SGCZ: variants seen among roughly 807,000 people sequenced by gnomAD.
SGCZ encodes sarcoglycan zeta.
A neutral mutation model predicts 41.3 loss-of-function variants in SGCZ; 40 were observed. The observed-to-expected ratio is 0.97, with a 90% CI of 0.75 to 1.26. The LOEUF is 1.26. SGCZ is among the 50% of genes most tolerant of loss of function. SGCZ has a pLI of 0.00. For synonymous variants in SGCZ, 206 were observed against 137.5 expected, an observed-to-expected ratio of 1.50 and a Z score of -3.49; for missense variants, 552 against 369.8, an observed-to-expected ratio of 1.49 and a Z score of -4.04.
chr8:14,551,563 ATATATAAT>A lies in SGCZ; in HGVS notation c.234+3161_234+3168del, dbSNP rs1259919837. Among the ~76,000 whole-genome samples the A allele has an allele frequency of 6.2e-3, 130 of 21,124 alleles. 2 individuals are homozygous for A. The highest frequency in any genetic ancestry group is 0.022 in the East Asian group (9 of 400). 13.9% of individuals were successfully genotyped at this position (21,124 alleles called of 152,430 possible). ...ATATAATATATATAATATATATTAT[ATATATAAT>A]ATATATATAATATATATAATATATA... is the stretch of plus-strand genomic sequence containing the variant. On this transcript the variant is annotated intron_variant, in intron 2 of 7. Transcript: ENST00000382080.
At chr8:14,257,275 G>C (rs893377657) in intron 3 of SGCZ, among the ~76,000 whole-genome samples, 2 of 151,676 alleles carry the variant, frequency 1.3e-5, no homozygotes, top group Non-Finnish European at 2.9e-5. Flanking sequence ...AGGCTGCAGT[G>C]AACCGTGATT....
intron 1 of SGCZ, among the ~76,000 whole-genome samples, chr8:14,721,114 T>C (rs1177061863): frequency 2.0e-5 from 3 of 152,296 alleles, no homozygotes; most frequent in South Asian, 2.1e-4. Context: ...TTTAATTATA[T>C]TTTCTAGTTG....
intron 5 of SGCZ, among the ~76,000 whole-genome samples, chr8:14,136,015 A>T (rs964986192): frequency 6.6e-6 from 1 of 152,220 alleles, no homozygotes; most frequent in Non-Finnish European, 1.5e-5. Flanking sequence ...GACCAAAAAA[A>T]TAGTATAAAG....
At chr8:14,544,334 T>C (rs1321624778) in intron 2 of SGCZ, among the ~76,000 whole-genome samples, 2 of 152,052 alleles carry the variant, frequency 1.3e-5, no homozygotes, top group African/African-American at 2.4e-5. Flanking sequence ...CATGTGTGTT[T>C]GAACAATATG....
At chr8:14,162,795 G>A (rs1804086987) in intron 5 of SGCZ, 1 of 152,210 alleles carries the variant, frequency 6.6e-6, no homozygotes, top group Non-Finnish European at 1.5e-5. Flanking sequence ...ATTTGATTCA[G>A]GCCAGGGGAT....
chr8:14,478,641 GAAATTT>G (rs1294087450), intron 2 of SGCZ, among the ~76,000 whole-genome samples: 2 of 151,780 alleles, frequency 1.3e-5, no homozygotes, highest in African/African-American at 4.9e-5. Flanking sequence ...AAATGAAACT[GAAATTT>G]AAAATAGAGT....
chr8:14,248,135 T>C (rs1023225105), intron 3 of SGCZ, among the ~76,000 whole-genome samples: 1 of 152,192 alleles, frequency 6.6e-6, no homozygotes, highest in Non-Finnish European at 1.5e-5. Flanking sequence ...AATTCTAGAA[T>C]GGAACTCCCC....
At chr8:15,038,065 A>G (rs1245329068) in intron 1 of SGCZ, among the ~76,000 whole-genome samples, 2 of 148,740 alleles carry the variant, frequency 1.3e-5, no homozygotes, top group African/African-American at 4.9e-5. Context: ...AATCCCTATC[A>G]AAATTTCAGT....
chr8:15,224,435 A>T (rs1801703959), intron 1 of SGCZ, among the ~76,000 whole-genome samples: 1 of 152,188 alleles, frequency 6.6e-6, no homozygotes, highest in East Asian at 1.9e-4. Context: ...CCCAGAAAAA[A>T]ATTCTGAAAA....
At chr8:14,974,679 T>C (rs1801407439) in intron 1 of SGCZ, among the ~76,000 whole-genome samples, 1 of 152,114 alleles carries the variant, frequency 6.6e-6, no homozygotes, top group Non-Finnish European at 1.5e-5. Context: ...TGCACTGAAC[T>C]CTGTATTAAG....
At chr8:14,315,670 G>A (rs528402348) in intron 3 of SGCZ, among the ~76,000 whole-genome samples, 1 of 151,926 alleles carries the variant, frequency 6.6e-6, no homozygotes, top group Non-Finnish European at 1.5e-5. Context: ...TAACTTCAAG[G>A]CCTAAGATAG....
intron 1 of SGCZ, among the ~76,000 whole-genome samples, chr8:15,235,997 G>C (rs1189927865): frequency 6.6e-6 from 1 of 152,222 alleles, no homozygotes; most frequent in Non-Finnish European, 1.5e-5. Flanking sequence ...AGAGCAGAGA[G>C]ATAAGAGGAA....
At chr8:14,858,227 G>A (rs766003707) in intron 1 of SGCZ, among the ~76,000 whole-genome samples, 107 of 151,662 alleles carry the variant, frequency 7.1e-4, no homozygotes, top group Admixed American at 5.3e-3. Context: ...ACATATTAAT[G>A]AGAAATTAAG....
intron 1 of SGCZ, among the ~76,000 whole-genome samples, chr8:14,774,408 C>T (rs998812855): frequency 5.9e-5 from 9 of 152,174 alleles, no homozygotes; most frequent in Non-Finnish European, 1.2e-4. Context: ...AGGCTATCAT[C>T]ATGTAGAAGT....
intron 1 of SGCZ, among the ~76,000 whole-genome samples, chr8:14,827,296 A>G (rs7824061): frequency 0.94 from 140,036 of 148,192 alleles, 66,269 homozygotes; most frequent in African/African-American, 0.99. Flanking sequence ...GAGGGCAGTG[A>G]CGCCATCTCA....
chr8:14,193,337 T>TC (rs1283508797), intron 4 of SGCZ, among the ~76,000 whole-genome samples: 1 of 78 alleles, frequency 0.013, no homozygotes, highest in Non-Finnish European at 0.038. Flanking sequence ...CAGCATGCTA[T>TC]TTTTTTTACA....
intron 1 of SGCZ, among the ~76,000 whole-genome samples, chr8:15,077,267 A>G (rs962837270): frequency 6.6e-6 from 1 of 152,224 alleles, no homozygotes; most frequent in Non-Finnish European, 1.5e-5. Context: ...TGAATCTGAC[A>G]AGAAATAAAC....
chr8:14,675,754 C>A (rs1239825541), intron 1 of SGCZ, among the ~76,000 whole-genome samples: 2 of 152,096 alleles, frequency 1.3e-5, no homozygotes, highest in Non-Finnish European at 2.9e-5. Flanking sequence ...ATCATCTTTT[C>A]AGGGAAAATG....
intron 3 of SGCZ, among the ~76,000 whole-genome samples, chr8:14,247,414 G>C (rs1011433218): frequency 6.6e-6 from 1 of 152,260 alleles, no homozygotes; most frequent in Non-Finnish European, 1.5e-5. Context: ...ACACATGACA[G>C]TCCATTTACA....
Sources: allele counts gnomAD v4.1 joint callset (sites outside exome capture counted in the v4.1 genomes callset), GRCh38; gene constraint gnomAD v4.1.1; transcripts MANE v1.5; gene names NCBI Gene and HGNC (gene_info 2026-07-23, HGNC 2026-07-21).